Variants in PITPNC1 observed in about 807,000 individuals in gnomAD.
PITPNC1 encodes cytoplasmic phosphatidylinositol transfer protein 1.
PITPNC1 carries 18 observed loss-of-function variants against 44.7 expected under a neutral mutation model. The observed-to-expected ratio is 0.40, with a 90% CI of 0.28 to 0.60. PITPNC1 has a LOEUF of 0.60. Among genes scored for constraint, PITPNC1 ranks in the 20% least tolerant of loss-of-function variants. The pLI, the probability that PITPNC1 is intolerant of heterozygous loss-of-function variation, is 0.39. For missense variants in PITPNC1, 290 were observed against 418.4 expected (o/e 0.69, Z 2.68); for synonymous variants, 141 against 149.6 (o/e 0.94, Z 0.42).
At chr17:67,551,277 G>A (rs560590129) in intron 2 of PITPNC1, among the ~76,000 whole-genome samples, 1 of 152,268 alleles carries the variant, frequency 6.6e-6, no homozygotes, top group South Asian at 2.1e-4. Context: ...GCAAATGACT[G>A]CTCCAGAGGA....
intron 1 of PITPNC1, among the ~76,000 whole-genome samples, chr17:67,390,043 CAGAG>C (rs10600705): frequency 2.7e-5 from 4 of 150,260 alleles, no homozygotes; most frequent in African/African-American, 2.4e-5. Context: ...TACCCATGTT[CAGAG>C]AGAGAGAGAG....
intron 6 of PITPNC1, among the ~76,000 whole-genome samples, chr17:67,656,764 T>C (rs2042273590): frequency 6.6e-6 from 1 of 152,200 alleles, no homozygotes; most frequent in Non-Finnish European, 1.5e-5. Context: ...TTGAGGTTTA[T>C]AAACCTCTTT....
Position 67,378,059 on chromosome 17 carries a change from G to A in PITPNC1, c.-96G>A. ...CTTCGCCCTCCGGCTCCGAGCGCCG[G>A]GCTCCGGGCGCCCTGCCCTGCGCCT... On this transcript the variant is annotated 5_prime_UTR_variant, in exon 1 of 9. Transcript: ENST00000581322. 1.4e-6 allele frequency: 1 copy of A among 694,736 alleles called. No homozygotes were observed. Among genetic ancestry groups the A allele is most frequent in the South Asian group, 2.7e-5 (1 of 37,132 alleles). 43.0% of individuals were successfully genotyped at this position (694,736 alleles called of 1,614,324 possible).
intron 2 of PITPNC1, 96 bp from the exon 3 acceptor site, chr17:67,552,161 C>T (rs1329979179): frequency 1.4e-6 from 1 of 731,370 alleles, no homozygotes; most frequent in Non-Finnish European, 2.5e-6. Flanking sequence ...GCCCCAGAAT[C>T]CCCCTGATTT....
At chr17:67,521,256 TAC>T (rs1270398297) in intron 1 of PITPNC1, among the ~76,000 whole-genome samples, 1 of 152,228 alleles carries the variant, frequency 6.6e-6, no homozygotes, top group East Asian at 1.9e-4. Context: ...CAGCGTCCAA[TAC>T]AGTTTATATT....
intron 6 of PITPNC1, among the ~76,000 whole-genome samples, chr17:67,633,610 G>A (rs901541091): frequency 6.6e-6 from 1 of 152,202 alleles, no homozygotes; most frequent in African/African-American, 2.4e-5. Flanking sequence ...TGCATTTTAA[G>A]ATAAAGAAAG....
intron 1 of PITPNC1, among the ~76,000 whole-genome samples, chr17:67,389,943 T>C (rs548390122): frequency 6.6e-6 from 1 of 152,156 alleles, no homozygotes; most frequent in East Asian, 1.9e-4. Flanking sequence ...CCTCCCAAAG[T>C]GCTGGGATTA....
chr17:67,432,528 T>TAA (rs1567987567), intron 1 of PITPNC1, among the ~76,000 whole-genome samples: 14 of 152,040 alleles, frequency 9.2e-5, no homozygotes, highest in Non-Finnish European at 1.8e-4. Context: ...CATAAATAAA[T>TAA]AATAAAATAA....
chr17:67,618,133 G>C (rs769011069), intron 5 of PITPNC1, among the ~76,000 whole-genome samples: 1 of 152,090 alleles, frequency 6.6e-6, no homozygotes, highest in Non-Finnish European at 1.5e-5. Flanking sequence ...GACCAAGGCG[G>C]GGGGTGGATC....
chr17:67,624,678 T>G (rs2706677), intron 5 of PITPNC1, among the ~76,000 whole-genome samples: 17,870 of 152,118 alleles, frequency 0.12, 1,140 homozygotes, highest in African/African-American at 0.16. Context: ...CCCGCCAATA[T>G]GCCCAGCTGA....
intron 1 of PITPNC1, among the ~76,000 whole-genome samples, chr17:67,387,605 G>T (rs1262960708): frequency 6.6e-6 from 1 of 152,198 alleles, no homozygotes; most frequent in Non-Finnish European, 1.5e-5. Context: ...GGTGGAAGTT[G>T]CAGTGAGCTG....
At chr17:67,389,671 G>T (rs898390524) in intron 1 of PITPNC1, among the ~76,000 whole-genome samples, 5 of 140,426 alleles carry the variant, frequency 3.6e-5, no homozygotes, top group African/African-American at 1.6e-4. Flanking sequence ...TTTTTGTTTT[G>T]TTGTTGTTGT....
chr17:67,673,120 C>T (rs2042542400), intron 7 of PITPNC1, among the ~76,000 whole-genome samples: 1 of 152,126 alleles, frequency 6.6e-6, no homozygotes, highest in Admixed American at 6.6e-5. Context: ...ACTTTCAAGT[C>T]ATAAAAGCCT....
At position 67,607,354 on chromosome 17, in the gene PITPNC1, G is replaced by A. The variant is rs951087269; in HGVS notation, c.367-24789G>A. Among the ~76,000 whole-genome samples the A allele has an allele frequency of 1.2e-4, 18 of 152,320 alleles. No homozygotes were observed. In the East Asian group the frequency reaches 1.7e-3, roughly 15 times the overall value. ...AGGTGGCATTTTCCAGGTGAGCTTCGGGACTGCCCCCCTTGGGCTCTCCCA... is the reference window on the plus strand; with the variant it reads ...AGGTGGCATTTTCCAGGTGAGCTTCAGGACTGCCCCCCTTGGGCTCTCCCA... On this transcript the variant is annotated intron_variant, in intron 5 of 8. Coordinates refer to ENST00000581322, the MANE Select transcript of PITPNC1 (RefSeq NM_012417.4).
At chr17:67,384,522 T>C (rs2038012120) in intron 1 of PITPNC1, among the ~76,000 whole-genome samples, 1 of 151,560 alleles carries the variant, frequency 6.6e-6, no homozygotes, top group Admixed American at 6.6e-5. Context: ...GCCTCCCGGG[T>C]TCACGCCATT....
rs150481013 is a variant in PITPNC1 at position 67,510,878 on chromosome 17, A to G, written c.49-21924A>G. On this transcript the variant is annotated intron_variant, in intron 1 of 8. Coordinates refer to ENST00000581322, the MANE Select transcript of PITPNC1 (RefSeq NM_012417.4). ...CTCAGGGATTGGAATGCTGCCTTGA[A>G]ATTTCAGCATTAGGCCCCCTTTTCC... Among the ~76,000 whole-genome samples the G allele has an allele frequency of 2.0e-3, 299 of 152,126 alleles. 2 individuals are homozygous for G. Among genetic ancestry groups the G allele is most frequent in the African/African-American group, 6.9e-3 (288 of 41,524 alleles).
intron 8 of PITPNC1, among the ~76,000 whole-genome samples, chr17:67,679,769 C>T (rs2042669551): frequency 6.6e-6 from 1 of 152,180 alleles, no homozygotes; most frequent in Non-Finnish European, 1.5e-5. Context: ...TTGGGTCTCT[C>T]TGCACGACTA....
intron 6 of PITPNC1, among the ~76,000 whole-genome samples, chr17:67,647,464 GTTTTTTTTTTT>G (rs60407940): frequency 2.3e-3 from 169 of 72,358 alleles, no homozygotes; most frequent in African/African-American, 5.1e-3. Flanking sequence ...CTAATTTTGG[GTTTTTTTTTTT>G]TTTTTTTTTT....
At chr17:67,471,840 A>G (rs2039540898) in intron 1 of PITPNC1, among the ~76,000 whole-genome samples, 2 of 151,990 alleles carry the variant, frequency 1.3e-5, no homozygotes, top group Admixed American at 1.3e-4. Flanking sequence ...AGTTTTTTCC[A>G]CTAATGTCCT....
Sources: gnomAD v4.1 joint callset for allele counts (sites outside exome capture counted in the v4.1 genomes callset) on GRCh38, gnomAD v4.1.1 for gene constraint, MANE v1.5 for transcripts, NCBI Gene and HGNC (gene_info 2026-07-23, HGNC 2026-07-21) for gene names.